Variants in MAST2 observed in about 807,000 individuals in gnomAD.
The protein encoded by MAST2 is microtubule-associated serine/threonine-protein kinase 2.
Under a neutral mutation model 147.4 loss-of-function variants are expected in MAST2, and 70 were observed. The ratio of observed to expected loss-of-function variants is 0.47; its 90% CI spans 0.39 to 0.58. The LOEUF (loss-of-function observed/expected upper bound fraction) is 0.58, where lower values mean the gene tolerates loss of function less well. MAST2 is among the 20% of genes least tolerant of loss of function. MAST2 has a pLI of 0.00. For missense variants in MAST2, 2,080 were observed against 2,302.3 expected (o/e 0.90, Z 1.98); for synonymous variants, 869 against 896.8 (o/e 0.97, Z 0.55).
intron 3 of MAST2, among the ~76,000 whole-genome samples, chr1:45,842,651 GAAT>G (rs1351126910): frequency 7.9e-5 from 12 of 152,124 alleles, no homozygotes; most frequent in Admixed American, 7.9e-4. Context: ...TCTTTTGGTT[GAAT>G]AATATCTCGT....
chr1:45,873,784 A>G (rs1378049432), intron 3 of MAST2, among the ~76,000 whole-genome samples: 1 of 152,166 alleles, frequency 6.6e-6, no homozygotes, highest in Non-Finnish European at 1.5e-5. Flanking sequence ...AATGAGAATA[A>G]CACATTATTT....
chr1:45,826,309 G>A (rs1644790905), intron 2 of MAST2, among the ~76,000 whole-genome samples: 1 of 152,060 alleles, frequency 6.6e-6, no homozygotes, highest in African/African-American at 2.4e-5. Flanking sequence ...CTTTTGGGGT[G>A]CTTTTCATTT....
In MAST2 at chr1:46,023,016, A is replaced by G. The variant is rs770720316; in HGVS notation, c.1485+45A>G. Reference sequence around the variant, plus strand: ...ACCCCATTCCTGGAGCCTGGGCCCTATGAAGCAAAGAGCTATGAATTCTCT... The same window carrying G: ...ACCCCATTCCTGGAGCCTGGGCCCTGTGAAGCAAAGAGCTATGAATTCTCT... On this transcript the variant is annotated intron_variant, in intron 13 of 28. Transcript: ENST00000361297. The surrounding 1 kb of genome is among the most constrained non-coding windows in gnomAD (Gnocchi z 4.9). 13 of 1,562,692 alleles carry G rather than the reference A, an allele frequency of 8.3e-6. No individual in the cohort carries two copies. The highest frequency in any genetic ancestry group is 2.2e-5 in the East Asian group (1 of 44,644).
At chr1:46,025,959 C>G (rs956880814) in intron 16 of MAST2, 144 bp downstream of exon 16, 19 of 1,034,150 alleles carry the variant, frequency 1.8e-5, no homozygotes, top group African/African-American at 6.3e-5. Flanking sequence ...GCCTAGTTCT[C>G]TAGCCCCCCG....
intron 4 of MAST2, among the ~76,000 whole-genome samples, chr1:45,946,754 GCT>G: frequency 6.6e-6 from 1 of 152,172 alleles, no homozygotes; most frequent in South Asian, 2.1e-4. Context: ...TCAAGATAGC[GCT>G]CTCTTTATTG....
intron 3 of MAST2, among the ~76,000 whole-genome samples, chr1:45,880,608 A>G (rs1306958006): frequency 6.6e-6 from 1 of 152,232 alleles, no homozygotes. Flanking sequence ...AAGAATTGCA[A>G]TCAAATACTG....
chr1:46,027,979 G>T, intron 17 of MAST2, 116 bp downstream of exon 17: 1 of 1,224,514 alleles, frequency 8.2e-7, no homozygotes, highest in South Asian at 1.4e-5. Context: ...ATCGCTTGAG[G>T]CCAGCCTGGG....
Position 46,030,026 on chromosome 1 carries a change from T to C in MAST2, c.2443+73T>C, listed in dbSNP as rs1254294112. On this transcript the variant is annotated intron_variant, in intron 20 of 28. Transcript: ENST00000361297. ...CTAGAAACACCTGTGCACACTGAAA[T>C]TGCATTGGGAGCAACTTCTCAGGGC... 5.6e-6 allele frequency: 9 copies of C among 1,606,846 alleles called. No individual in the cohort carries two copies. The African/African-American group carries it at 6.7e-5, about 12-fold the overall frequency.
At chr1:45,902,950 T>G (rs935020239) in intron 4 of MAST2, among the ~76,000 whole-genome samples, 1 of 152,002 alleles carries the variant, frequency 6.6e-6, no homozygotes, top group Non-Finnish European at 1.5e-5. Context: ...GTTGCTCCTT[T>G]ATGTCATATT....
chr1:45,919,400 A>T (rs1187341699), intron 4 of MAST2, among the ~76,000 whole-genome samples: 1 of 152,244 alleles, frequency 6.6e-6, no homozygotes, highest in Non-Finnish European at 1.5e-5. Context: ...TGAAAAAAAA[A>T]TGTTAAAAAA....
At chr1:45,930,714 G>A (rs974577555) in intron 4 of MAST2, among the ~76,000 whole-genome samples, 8 of 152,044 alleles carry the variant, frequency 5.3e-5, no homozygotes, top group African/African-American at 1.9e-4. Context: ...TCCAAGAATA[G>A]TTCAAAGAGC....
Position 46,035,809 on chromosome 1 carries a change from G to T in MAST2, c.5140G>T (p.Ala1714Ser). The T allele has an allele frequency of 6.2e-7, 1 of 1,614,076 alleles. No individual in the cohort carries two copies. Among genetic ancestry groups the T allele is most frequent in the Non-Finnish European group, 8.5e-7 (1 of 1,180,042 alleles). The stretch of plus-strand genomic sequence containing the variant: ...ACAGCCACCTAGTGCCCCCAGACTG[G>T]CCCATCCATCTTATGAGGATCCCAG... ...KTQPPSAPRL[A>S]HPSYEDPSQG... Residue 1714 changes from alanine (A) to serine (S), a missense_variant, in exon 29 of 29, where the codon GCC (alanine) becomes TCC (serine). By Grantham distance (99) the Ala-to-Ser change is moderately conservative (BLOSUM62 1). Coordinates refer to ENST00000361297, the MANE Select transcript of MAST2 (RefSeq NM_015112.3). This position sits in a 1 kb window ranked among gnomAD's most constrained non-coding sequence, Gnocchi z 5.5.
At chr1:45,824,287 T>C (rs894181660) in intron 1 of MAST2, 146 bp from the exon 2 acceptor site, 1 of 494,654 alleles carries the variant, frequency 2.0e-6, no homozygotes, top group Middle Eastern at 5.5e-4. Flanking sequence ...CTAAGAAATA[T>C]GTTTCTGGTT....
chr1:45,970,184 A>G (rs1197327144), intron 5 of MAST2, among the ~76,000 whole-genome samples: 1 of 152,176 alleles, frequency 6.6e-6, no homozygotes, highest in East Asian at 1.9e-4. Context: ...TTCTTCAGTA[A>G]TCACTGTGAG....
intron 4 of MAST2, among the ~76,000 whole-genome samples, chr1:45,927,790 G>C (rs1464801208): frequency 6.6e-6 from 1 of 152,160 alleles, no homozygotes; most frequent in Non-Finnish European, 1.5e-5. Context: ...AAAGCACAGG[G>C]GTATTGATTG....
chr1:46,019,804 C>T, intron 11 of MAST2, 107 bp downstream of exon 11: 1 of 908,034 alleles, frequency 1.1e-6, no homozygotes, highest in Non-Finnish European at 1.8e-6. Flanking sequence ...ATTTCTGTTG[C>T]TTAGGTCCTT....
rs191695003 is a variant in MAST2 at position 46,033,050 on chromosome 1, G to A, written c.3537+332G>A. On this transcript the variant is annotated intron_variant, in intron 26 of 28. Transcript: ENST00000361297. ...TCCCAGCACTTTGGGAGGCCGAGGC[G>A]GGTGGATCACCTGTGGTCAGGAGTT... 2.3e-3 allele frequency among the ~76,000 whole-genome samples: 351 copies of A among 152,006 alleles called. 4 individuals carry two copies. Among genetic ancestry groups the A allele is most frequent in the African/African-American group, 8.0e-3 (332 of 41,444 alleles).
intron 4 of MAST2, among the ~76,000 whole-genome samples, chr1:45,958,837 C>G (rs1332380381): frequency 2.6e-5 from 4 of 152,114 alleles, no homozygotes; most frequent in African/African-American, 9.7e-5. Context: ...TTTTCTCCAA[C>G]CAGAAGAAAA....
chr1:46,035,737 A>G lies in MAST2; in HGVS notation c.5068A>G (p.Thr1690Ala). 1.2e-6 allele frequency: 2 copies of G among 1,613,768 alleles called. No homozygotes were observed. Among genetic ancestry groups the G allele is most frequent in the Non-Finnish European group, 1.7e-6 (2 of 1,179,976 alleles). The change falls in exon 29 of 29, where the codon ACT becomes GCT. Residue 1690 changes from threonine to alanine, a missense_variant. Thr to Ala is a moderately conservative substitution (Grantham distance 58). Around this residue, in one of 4 missense-constraint regions of MAST2, gnomAD observed 1,278 missense variants for 1,304.2 expected, o/e 0.98. Transcript: ENST00000361297. The surrounding 1 kb of genome is among the most constrained non-coding windows in gnomAD (Gnocchi z 5.5). Reference protein sequence around the residue: ...LANLQDLENTTPAQPKNLSPR... With the variant: ...LANLQDLENTAPAQPKNLSPR... ...CAACCTCCAGGATTTGGAAAACACA[A>G]CTCCAGCCCAGCCTAAGAACCTGTC...
Sources: allele counts gnomAD v4.1 joint callset (sites outside exome capture counted in the v4.1 genomes callset), GRCh38; gene constraint gnomAD v4.1.1; regional missense constraint gnomAD v4.1.1; non-coding constraint Gnocchi (gnomAD v3.1); transcripts MANE v1.5; gene names NCBI Gene and HGNC (gene_info 2026-07-23, HGNC 2026-07-21).